Variants in FOXP2 observed in about 807,000 individuals in gnomAD.
FOXP2 encodes forkhead box P2.
FOXP2 carries 12 observed loss-of-function variants against 115.8 expected under a neutral mutation model. The ratio of observed to expected loss-of-function variants is 0.10; its 90% CI spans 0.07 to 0.17. The LOEUF (loss-of-function observed/expected upper bound fraction) is 0.17. Among genes scored for constraint, FOXP2 ranks in the 10% least tolerant of loss-of-function variants. FOXP2 has a pLI of 1.00. For missense variants in FOXP2, 629 were observed against 843.5 expected, an observed-to-expected ratio of 0.75 and a Z score of 3.15; for synonymous variants, 328 against 297.7, an observed-to-expected ratio of 1.10 and a Z score of -1.05.
intron 8 of FOXP2, among the ~76,000 whole-genome samples, chr7:114,648,947 T>C (rs1806075509): frequency 6.6e-6 from 1 of 152,102 alleles, no homozygotes; most frequent in South Asian, 2.1e-4. Flanking sequence ...CATTAGGGAC[T>C]GGAGCTAACC....
chr7:114,680,699 C>T (rs1054029595), intron 16 of FOXP2, among the ~76,000 whole-genome samples: 2 of 150,372 alleles, frequency 1.3e-5, no homozygotes, highest in Non-Finnish European at 3.0e-5. Context: ...GAGCCGAGAT[C>T]GTGCCACTGC....
intron 1 of FOXP2, among the ~76,000 whole-genome samples, chr7:114,218,791 C>A (rs1329159562): frequency 6.6e-6 from 1 of 152,124 alleles, no homozygotes; most frequent in Non-Finnish European, 1.5e-5. Flanking sequence ...TGGACACTGT[C>A]AATCATTAAG....
At chr7:114,159,958 T>C (rs1394481978), upstream of FOXP2, among the ~76,000 whole-genome samples, 1 of 152,216 alleles carries the variant, frequency 6.6e-6, no homozygotes, top group Non-Finnish European at 1.5e-5. Flanking sequence ...TATGATTTAA[T>C]GCTAATAGAC....
At chr7:114,435,559 T>C (rs1031803812) in intron 2 of FOXP2, among the ~76,000 whole-genome samples, 2 of 152,138 alleles carry the variant, frequency 1.3e-5, no homozygotes, top group Non-Finnish European at 1.5e-5. Flanking sequence ...TGTTTTGAGA[T>C]GGAGTATTGC....
intron 3 of FOXP2, among the ~76,000 whole-genome samples, chr7:114,619,930 G>C (rs142963337): frequency 5.0e-4 from 76 of 152,138 alleles, no homozygotes; most frequent in Non-Finnish European, 9.3e-4. Flanking sequence ...TTGCATGACA[G>C]TACACATGTA....
intron 2 of FOXP2, among the ~76,000 whole-genome samples, chr7:114,476,247 G>A (rs1252941464): frequency 2.6e-5 from 4 of 151,728 alleles, no homozygotes; most frequent in Non-Finnish European, 2.9e-5. Flanking sequence ...GATTTTTGTA[G>A]TTTCAGGTGT....
upstream of FOXP2, among the ~76,000 whole-genome samples, chr7:114,413,449 T>C (rs1793216044): frequency 6.6e-6 from 1 of 152,112 alleles, no homozygotes; most frequent in Non-Finnish European, 1.5e-5. Context: ...GCCTATTGCA[T>C]GAGTTTCCTG....
At chr7:114,627,142 CT>C (rs34572446) in intron 3 of FOXP2, among the ~76,000 whole-genome samples, 19,462 of 143,866 alleles carry the variant, frequency 0.14, 1,491 homozygotes, top group African/African-American at 0.22. Context: ...CCCTGGATTT[CT>C]TTTTTTTTTT....
At chr7:114,136,088 G>T (rs1242203315) in intron 1 of FOXP2, among the ~76,000 whole-genome samples, 1 of 152,018 alleles carries the variant, frequency 6.6e-6, no homozygotes, top group Admixed American at 6.5e-5. Context: ...GGATATGAAA[G>T]ATTTGCTGGA....
intron 1 of FOXP2, among the ~76,000 whole-genome samples, chr7:114,255,760 C>T (rs367918190): frequency 2.6e-5 from 4 of 152,048 alleles, no homozygotes; most frequent in Admixed American, 6.6e-5. Flanking sequence ...AATGCCTCAC[C>T]CTGCTTTGGC....
intron 2 of FOXP2, among the ~76,000 whole-genome samples, chr7:114,485,660 G>T (rs192193854): frequency 7.2e-5 from 11 of 152,018 alleles, no homozygotes; most frequent in African/African-American, 2.7e-4. Context: ...ATAAGGAGGA[G>T]GATAATATCT....
chr7:114,128,955 TTAGGACATAAAAAACA>T (rs1334859111), intron 1 of FOXP2, among the ~76,000 whole-genome samples: 1 of 152,110 alleles, frequency 6.6e-6, no homozygotes. Context: ...CTATTTCTTA[TTAGGACATAAAAAACA>T]CTCTCTGTGC....
chr7:114,159,095 A>T (rs558194914), upstream of FOXP2, among the ~76,000 whole-genome samples: 1 of 152,286 alleles, frequency 6.6e-6, no homozygotes, highest in East Asian at 1.9e-4. Context: ...GAAAAAGAAT[A>T]CAAATTGGGA....
chr7:114,522,997 A>G (rs1798694571), intron 2 of FOXP2, among the ~76,000 whole-genome samples: 1 of 151,744 alleles, frequency 6.6e-6, no homozygotes, highest in African/African-American at 2.4e-5. Flanking sequence ...AAATTATATG[A>G]TCTAAATATA....
chr7:114,248,762 T>C (rs984714726), intron 1 of FOXP2, among the ~76,000 whole-genome samples: 1 of 152,184 alleles, frequency 6.6e-6, no homozygotes, highest in Non-Finnish European at 1.5e-5. Flanking sequence ...GTAACACTTA[T>C]TTTGTGCCAG....
chr7:114,257,775 G>A (rs772066837), intron 1 of FOXP2, among the ~76,000 whole-genome samples: 12 of 152,082 alleles, frequency 7.9e-5, no homozygotes, highest in Non-Finnish European at 1.3e-4. Flanking sequence ...TTAAGCAGAG[G>A]CATGAAGGAA....
intron 1 of FOXP2, among the ~76,000 whole-genome samples, chr7:114,139,525 G>A: frequency 6.6e-6 from 1 of 152,100 alleles, no homozygotes; most frequent in African/African-American, 2.4e-5. Flanking sequence ...GTCTTTAATA[G>A]TTAAGATATT....
chr7:114,301,239 G>T (rs1330147465), intron 2 of FOXP2, among the ~76,000 whole-genome samples: 1 of 151,840 alleles, frequency 6.6e-6, no homozygotes, highest in East Asian at 1.9e-4. Context: ...ATATTACTTT[G>T]ATATAAGAAT....
rs188618606 is a variant in FOXP2 at position 114,406,385 on chromosome 7, T to C, written c.-10-20117T>C. ...TTAGCTCAACTCAAAGTACAGGTTT[T>C]TACAAGTTTCGTATTTGTTGTGTGA... On this transcript the variant is annotated intron_variant, in intron 2 of 17. Transcript: ENST00000634411. Among the ~76,000 whole-genome samples the C allele has an allele frequency of 1.3e-3, 202 of 152,114 alleles. 2 individuals are homozygous for C. The highest frequency in any genetic ancestry group is 3.5e-3 in the Admixed American group (53 of 15,270).
Sources: gnomAD v4.1 joint callset for allele counts (sites outside exome capture counted in the v4.1 genomes callset) on GRCh38, gnomAD v4.1.1 for gene constraint, MANE v1.5 for transcripts, NCBI Gene and HGNC (gene_info 2026-07-23, HGNC 2026-07-21) for gene names.